Variants in PTPRN2 observed in about 807,000 individuals in gnomAD.
PTPRN2 encodes protein tyrosine phosphatase receptor type N2, also known as receptor-type tyrosine-protein phosphatase N2.
PTPRN2 carries 74 observed loss-of-function variants against 118.8 expected under a neutral mutation model. The ratio of observed to expected loss-of-function variants is 0.62; its 90% CI spans 0.52 to 0.76. The LOEUF is 0.76. Ranked by LOEUF, PTPRN2 falls within the 30% of genes least tolerant of loss-of-function variation. PTPRN2 has a pLI of 0.00. For synonymous variants in PTPRN2, 641 were observed against 608.0 expected, an observed-to-expected ratio of 1.05 and a Z score of -0.80; for missense variants, 1,481 against 1,394.4, an observed-to-expected ratio of 1.06 and a Z score of -0.99.
In PTPRN2 at chr7:157,779,823, T is replaced by A. The variant is rs1322097898; in HGVS notation, c.1789-96886A>T. Among the ~76,000 whole-genome samples the A allele has an allele frequency of 1.3e-5, 2 of 152,156 alleles. No homozygotes were observed. The highest frequency in any genetic ancestry group is 4.8e-5 in the African/African-American group (2 of 41,428). On this transcript the variant is annotated intron_variant, in intron 12 of 22. Transcript: ENST00000389418. This position sits in a 1 kb window ranked among gnomAD's most constrained non-coding sequence, Gnocchi z 4.7. ...TGAGGAAGAGTGCTGGGTGATTTCA[T>A]TCTCCCTGGTTGCTGAAAATGAGCA... is the stretch of plus-strand genomic sequence containing the variant.
chr7:157,559,387 C>A (rs1799065937), intron 21 of PTPRN2, among the ~76,000 whole-genome samples: 1 of 152,152 alleles, frequency 6.6e-6, no homozygotes, highest in African/African-American at 2.4e-5. Flanking sequence ...TCCACATGGG[C>A]CCCTGGAAAC....
At chr7:157,688,304 T>C (rs1290806684) in intron 12 of PTPRN2, among the ~76,000 whole-genome samples, 1 of 152,202 alleles carries the variant, frequency 6.6e-6, no homozygotes, top group Non-Finnish European at 1.5e-5. Flanking sequence ...TTTAAAGAAA[T>C]ACTGTGTTTT....
rs189899170 is a variant in PTPRN2 at position 157,728,285 on chromosome 7, G to A, written c.1789-45348C>T. Among the ~76,000 whole-genome samples the A allele has an allele frequency of 2.0e-5, 3 of 152,384 alleles. No individual in the cohort carries two copies. The East Asian group carries it at 5.8e-4, about 29-fold the overall frequency. ...GACAGGCCACCCTCAGCCCCATGTG[G>A]CCAGCAGCAAGGGCTGCTGTTGCAC... On this transcript the variant is annotated intron_variant, in intron 12 of 22. Coordinates refer to ENST00000389418, the MANE Select transcript of PTPRN2 (RefSeq NM_002847.5).
rs762864463 is a variant in PTPRN2, at chr7:158,532,774, A to G, written c.113-42989T>C. On this transcript the variant is annotated intron_variant, in intron 1 of 22. Coordinates refer to ENST00000389418, the MANE Select transcript of PTPRN2 (RefSeq NM_002847.5). ...ACTTCAACCTGTTCCTTACAAGACT[A>G]CATTGAGCGTGCTGGTGTTAAATGC... is the stretch of plus-strand genomic sequence containing the variant. 5.6e-6 allele frequency: 3 copies of G among 534,740 alleles called. No homozygotes were observed. The Admixed American group carries it at 5.8e-5, about 10-fold the overall frequency. The allele number at this position is 534,740 out of a possible 1,614,324, so 33.1% of individuals were successfully genotyped here. A position where few individuals can be genotyped will look rare whatever the true frequency, so the allele number is the denominator to read the frequency against.
At chr7:157,613,374 C>A (rs1011412233) in intron 15 of PTPRN2, among the ~76,000 whole-genome samples, 1 of 152,224 alleles carries the variant, frequency 6.6e-6, no homozygotes, top group African/African-American at 2.4e-5. Flanking sequence ...GAGACGGCTG[C>A]GGGGAGACAC....
At chr7:158,465,428 G>A (rs1202710582) in intron 2 of PTPRN2, among the ~76,000 whole-genome samples, 1 of 152,150 alleles carries the variant, frequency 6.6e-6, no homozygotes, top group African/African-American at 2.4e-5. Context: ...CCCTGCAGTA[G>A]ACAGAAGCTC....
intron 6 of PTPRN2, among the ~76,000 whole-genome samples, chr7:158,160,271 G>A (rs1165697357): frequency 6.6e-6 from 1 of 152,156 alleles, no homozygotes; most frequent in Non-Finnish European, 1.5e-5. Context: ...GAGGGCTGGG[G>A]GAAGGTCTGC....
intron 3 of PTPRN2, among the ~76,000 whole-genome samples, chr7:158,278,575 C>T (rs115739159): frequency 0.014 from 2,102 of 152,334 alleles, 49 homozygotes; most frequent in African/African-American, 0.048. Context: ...CCAGAACCCA[C>T]AACTTCCTGA....
chr7:158,283,579 G>T (rs753016300), intron 3 of PTPRN2, among the ~76,000 whole-genome samples: 18 of 152,162 alleles, frequency 1.2e-4, no homozygotes, highest in Non-Finnish European at 1.8e-4. Context: ...GGACCTTGCT[G>T]TGGCCACCCG....
intron 5 of PTPRN2, among the ~76,000 whole-genome samples, chr7:158,169,598 G>A (rs79668759): frequency 0.018 from 2,667 of 151,618 alleles, 73 homozygotes; most frequent in African/African-American, 0.061. Flanking sequence ...ATTAGGTTCT[G>A]ATTTCAGTTC....
chr7:157,801,947 C>T lies in PTPRN2; in HGVS notation c.1788+96726G>A, dbSNP rs978688456. ...AGCTGAAGTCAGGGCTTGGGTGGGCCGCACGCTCTGGGGCGGCTCCTGACC... is the reference window on the plus strand; with the variant it reads ...AGCTGAAGTCAGGGCTTGGGTGGGCTGCACGCTCTGGGGCGGCTCCTGACC... On this transcript the variant is annotated intron_variant, in intron 12 of 22. Coordinates refer to ENST00000389418, the MANE Select transcript of PTPRN2 (RefSeq NM_002847.5). The surrounding 1 kb of genome is among the most constrained non-coding windows in gnomAD (Gnocchi z 4.2). Among the ~76,000 whole-genome samples, 3 of 152,136 alleles carry T rather than the reference C, an allele frequency of 2.0e-5. No homozygotes were observed. Among genetic ancestry groups the T allele is most frequent in the Admixed American group, 1.3e-4 (2 of 15,286 alleles).
At chr7:158,146,819 T>A (rs1820102341) in intron 6 of PTPRN2, among the ~76,000 whole-genome samples, 1 of 151,832 alleles carries the variant, frequency 6.6e-6, no homozygotes, top group Non-Finnish European at 1.5e-5. Flanking sequence ...ACAGACACAC[T>A]AAAATGTTTT....
intron 12 of PTPRN2, among the ~76,000 whole-genome samples, chr7:157,834,123 C>T (rs58342831): frequency 0.063 from 9,210 of 145,388 alleles, 230 homozygotes; most frequent in East Asian, 0.16. Flanking sequence ...GAGCCAGCAG[C>T]ACTCCCTGTG....
At chr7:158,202,744 G>T (rs1826736689) in intron 4 of PTPRN2, among the ~76,000 whole-genome samples, 1 of 152,146 alleles carries the variant, frequency 6.6e-6, no homozygotes. Flanking sequence ...CTACAGAATG[G>T]TAAGAGCTGT....
rs1170007228 is a variant in PTPRN2 at position 157,642,828 on chromosome 7, A to AAAAAAC, written c.2196+13528_2196+13529insGTTTTT. Among the ~76,000 whole-genome samples, 3 of 141,132 alleles carry AAAAAAC rather than the reference A, an allele frequency of 2.1e-5. No homozygotes were observed. The East Asian group carries it at 6.0e-4, about 28-fold the overall frequency. The allele number at this position is 141,132 out of a possible 152,430, so 92.6% of individuals were successfully genotyped here. The stretch of plus-strand genomic sequence containing the variant: ...TCAAGAAACAGCAAAAAAAAAAAAA[A>AAAAAAC]AAAAAAAAAAAAAAAAGCAGCTAAA... On this transcript the variant is annotated intron_variant, in intron 14 of 22. Coordinates refer to ENST00000389418, the MANE Select transcript of PTPRN2 (RefSeq NM_002847.5).
In PTPRN2 at chr7:158,329,674, G is replaced by A. The variant is rs922543528; in HGVS notation, c.164-12742C>T. On this transcript the variant is annotated intron_variant, in intron 2 of 22. Coordinates refer to ENST00000389418, the MANE Select transcript of PTPRN2 (RefSeq NM_002847.5). Reference sequence around the variant, plus strand: ...CCCGCAATAGGTGGTACTTTGAGCAGCCTTCATGGACTAAGACACTGCGTA... The same window carrying A: ...CCCGCAATAGGTGGTACTTTGAGCAACCTTCATGGACTAAGACACTGCGTA... Among the ~76,000 whole-genome samples the A allele has an allele frequency of 4.6e-5, 7 of 152,326 alleles. No individual in the cohort carries two copies. The East Asian group carries it at 1.2e-3, about 25-fold the overall frequency.
intron 11 of PTPRN2, among the ~76,000 whole-genome samples, chr7:157,973,505 T>C (rs1223938450): frequency 6.6e-6 from 1 of 152,212 alleles, no homozygotes; most frequent in Non-Finnish European, 1.5e-5. Context: ...ATAATTTTGC[T>C]AAATAATCAG....
At chr7:158,026,883 G>A (rs951669282) in intron 11 of PTPRN2, among the ~76,000 whole-genome samples, 14 of 152,256 alleles carry the variant, frequency 9.2e-5, no homozygotes, top group African/African-American at 2.9e-4. Context: ...AGGACACACA[G>A]CAGTGATGGT....
At chr7:158,152,173 C>CAGAAAA (rs1821255842) in intron 6 of PTPRN2, among the ~76,000 whole-genome samples, 3 of 83,380 alleles carry the variant, frequency 3.6e-5, no homozygotes, top group African/African-American at 9.2e-5. Context: ...GACTCTGTCT[C>CAGAAAA]AAAAAAAAAA....
Sources: gnomAD v4.1 joint callset for allele counts (sites outside exome capture counted in the v4.1 genomes callset) on GRCh38, gnomAD v4.1.1 for gene constraint, Gnocchi (gnomAD v3.1) non-coding constraint, MANE v1.5 for transcripts, NCBI Gene and HGNC (gene_info 2026-07-23, HGNC 2026-07-21) for gene names.